The following KCNK2 variants were observed in gnomAD, a reference collection of about 807,000 sequenced individuals.
KCNK2 encodes the protein potassium channel subfamily K member 2.
KCNK2 carries 21 observed loss-of-function variants against 40.5 expected under a neutral mutation model. The ratio of observed to expected loss-of-function variants is 0.52; its 90% CI spans 0.37 to 0.75. The LOEUF (loss-of-function observed/expected upper bound fraction) is 0.75, where lower values mean the gene tolerates loss of function less well. Among genes scored for constraint, KCNK2 ranks in the 30% least tolerant of loss-of-function variants. The probability of loss-of-function intolerance (pLI) is 0.00; values close to 1 mark genes in which losing one functional copy is unlikely to be tolerated. For missense variants in KCNK2, 399 were observed against 531.6 expected, an observed-to-expected ratio of 0.75 and a Z score of 2.45; for synonymous variants, 191 against 202.2, an observed-to-expected ratio of 0.94 and a Z score of 0.47.
intron 5 of KCNK2, among the ~76,000 whole-genome samples, chr1:215,184,092 C>T (rs1377746209): frequency 6.6e-6 from 1 of 152,040 alleles, no homozygotes; most frequent in Admixed American, 6.6e-5. Context: ...TGGATGAGGA[C>T]CCTGGGAAAG....
At chr1:215,170,814 C>T (rs1336292394) in intron 4 of KCNK2, among the ~76,000 whole-genome samples, 1 of 152,098 alleles carries the variant, frequency 6.6e-6, no homozygotes, top group East Asian at 1.9e-4. Context: ...TTCGTTCATT[C>T]ATTCAACAAA....
chr1:215,219,527 G>A (rs1666088531), intron 6 of KCNK2, among the ~76,000 whole-genome samples: 1 of 152,128 alleles, frequency 6.6e-6, no homozygotes, highest in Non-Finnish European at 1.5e-5. Flanking sequence ...AAATAGCACA[G>A]GGAAAGCTCT....
At chr1:215,159,801 A>T (rs1465050725) in intron 3 of KCNK2, among the ~76,000 whole-genome samples, 2 of 152,218 alleles carry the variant, frequency 1.3e-5, no homozygotes, top group Admixed American at 1.3e-4. Flanking sequence ...GTGAAACCTT[A>T]CAGACCTACC....
rs139701080 is a variant in KCNK2 at position 215,182,987 on chromosome 1, T to C, written c.823+10804T>C. On this transcript the variant is annotated intron_variant, in intron 5 of 6. Transcript: ENST00000444842. ...TCTGCCTCTCTCATATCCTGAGGGT[T>C]CACTCACTTTTATCAGCCAGATGCT... Among the ~76,000 whole-genome samples, 915 of 152,250 alleles carry C rather than the reference T, an allele frequency of 6.0e-3. 10 individuals are homozygous for C. Among genetic ancestry groups the C allele is most frequent in the African/African-American group, 0.021 (868 of 41,554 alleles).
rs796510933 is a variant in KCNK2 at position 215,179,536 on chromosome 1, T to C, written c.823+7353T>C. Among the ~76,000 whole-genome samples the C allele has an allele frequency of 3.9e-5, 6 of 152,084 alleles. No homozygotes were observed. In the South Asian group the frequency reaches 1.2e-3, roughly 31 times the overall value. On this transcript the variant is annotated intron_variant, in intron 5 of 6. Transcript: ENST00000444842. ...TATAAACTTCTCTCTTAACACTGCT[T>C]TTGCTGTATATTGTATATTGTGTTT...
At chr1:215,230,092 TACACACACACACACAC>T (rs59050433) in intron 6 of KCNK2, among the ~76,000 whole-genome samples, 31 of 141,256 alleles carry the variant, frequency 2.2e-4, no homozygotes, top group African/African-American at 6.6e-4. Flanking sequence ...TGTGTGTGTA[TACACACACACACACAC>T]ACACACACAC....
At chr1:215,220,837 T>C (rs1442153203) in intron 6 of KCNK2, among the ~76,000 whole-genome samples, 1 of 152,232 alleles carries the variant, frequency 6.6e-6, no homozygotes, top group East Asian at 1.9e-4. Flanking sequence ...TCCACCTCTT[T>C]ATTCAGTTGT....
chr1:215,207,034 A>G (rs1558138622), intron 6 of KCNK2, among the ~76,000 whole-genome samples: 1 of 152,112 alleles, frequency 6.6e-6, no homozygotes, highest in Non-Finnish European at 1.5e-5. Context: ...ATTCTATTGG[A>G]TATCCCCTCC....
At chr1:215,034,340 A>G (rs1214803140) in intron 1 of KCNK2, among the ~76,000 whole-genome samples, 3 of 120,814 alleles carry the variant, frequency 2.5e-5, no homozygotes, top group Non-Finnish European at 5.3e-5. Context: ...ATGGGCACTT[A>G]TGTTGTTTTC....
chr1:215,086,918 C>T (rs890369455), intron 2 of KCNK2, among the ~76,000 whole-genome samples: 2 of 152,184 alleles, frequency 1.3e-5, no homozygotes, highest in African/African-American at 4.8e-5. Context: ...TCCCAGTGTT[C>T]CTTCACATCC....
chr1:215,210,376 A>T (rs1456806269), intron 6 of KCNK2, among the ~76,000 whole-genome samples: 1 of 151,920 alleles, frequency 6.6e-6, no homozygotes, highest in African/African-American at 2.4e-5. Context: ...GGGCAGGGTA[A>T]GAATTGCTTT....
At chr1:215,148,083 T>TCC (rs56299807) in intron 3 of KCNK2, among the ~76,000 whole-genome samples, 2 of 130,448 alleles carry the variant, frequency 1.5e-5, no homozygotes, top group African/African-American at 5.7e-5. Context: ...TCTTTTCCTT[T>TCC]TTTTTTTTTT....
intron 6 of KCNK2, among the ~76,000 whole-genome samples, chr1:215,228,449 C>T (rs1666483512): frequency 6.6e-6 from 1 of 152,110 alleles, no homozygotes; most frequent in Non-Finnish European, 1.5e-5. Flanking sequence ...ACTCCATTTC[C>T]TTCTTTTTCT....
chr1:215,108,260 G>A (rs1324255036), intron 2 of KCNK2, among the ~76,000 whole-genome samples: 1 of 152,064 alleles, frequency 6.6e-6, no homozygotes, highest in Non-Finnish European at 1.5e-5. Flanking sequence ...CTTGGGGGCT[G>A]GGGACCCCTG....
At chr1:215,039,589 TAGAG>T (rs937210143) in intron 1 of KCNK2, among the ~76,000 whole-genome samples, 51 of 152,124 alleles carry the variant, frequency 3.4e-4, no homozygotes, top group Admixed American at 3.3e-4. Flanking sequence ...TCACAAAACT[TAGAG>T]AGGAGGCAGA....
chr1:215,209,841 T>TCA (rs1358019311), intron 6 of KCNK2, among the ~76,000 whole-genome samples: 133 of 25,192 alleles, frequency 5.3e-3, no homozygotes, highest in Non-Finnish European at 8.6e-3. Context: ...AAAATATATA[T>TCA]TATATAACAT....
chr1:215,201,613 A>G (rs1343157287), intron 6 of KCNK2, among the ~76,000 whole-genome samples: 1 of 152,210 alleles, frequency 6.6e-6, no homozygotes, highest in African/African-American at 2.4e-5. Context: ...ATTCATTCAA[A>G]AAGTGCTATT....
intron 2 of KCNK2, among the ~76,000 whole-genome samples, chr1:215,123,451 G>A (rs775817630): frequency 3.3e-5 from 5 of 150,706 alleles, no homozygotes; most frequent in African/African-American, 1.2e-4. Context: ...GTAAATAAAA[G>A]CAATGTAATT....
chr1:215,007,037 A>ATATATATGTGTGTGTGTGTGTGTG (rs1330420661), intron 1 of KCNK2, among the ~76,000 whole-genome samples: 1 of 51,596 alleles, frequency 1.9e-5, no homozygotes, highest in Non-Finnish European at 4.3e-5. Flanking sequence ...ATATATATAT[A>ATATATATGTGTGTGTGTGTGTGTG]TGTGTGTGTG....
Sources: gnomAD v4.1 joint callset for allele counts (sites outside exome capture counted in the v4.1 genomes callset) on GRCh38, gnomAD v4.1.1 for gene constraint, MANE v1.5 for transcripts, NCBI Gene and HGNC (gene_info 2026-07-23, HGNC 2026-07-21) for gene names.